Variants in RAB31 observed in about 807,000 individuals in gnomAD.
RAB31 encodes the protein ras-related protein Rab-31.
In RAB31, 21 loss-of-function variants were observed where a neutral mutation model predicts 25.6. That is an observed-to-expected ratio of 0.82 (90% CI 0.58 to 1.18). The LOEUF (loss-of-function observed/expected upper bound fraction) is 1.18, where lower values mean the gene tolerates loss of function less well. RAB31 is among the 50% of genes most tolerant of loss of function. RAB31 has a pLI of 0.00. For missense variants in RAB31, 196 were observed against 250.1 expected (o/e 0.78, Z 1.46); for synonymous variants, 87 against 84.0 (o/e 1.04, Z -0.20).
At chr18:9,798,963 A>T (rs58064239) in intron 3 of RAB31, among the ~76,000 whole-genome samples, 1 of 152,116 alleles carries the variant, frequency 6.6e-6, no homozygotes, top group African/African-American at 2.4e-5. Context: ...TGGCACTTGT[A>T]GTCCCAGTTA....
chr18:9,737,841 A>G (rs1212293648), intron 1 of RAB31, among the ~76,000 whole-genome samples: 1 of 152,196 alleles, frequency 6.6e-6, no homozygotes, highest in Non-Finnish European at 1.5e-5. Flanking sequence ...GTCTCTAAAT[A>G]GGTCAGAGGG....
chr18:9,813,669 T>C (rs1366041646), intron 3 of RAB31, among the ~76,000 whole-genome samples: 3 of 152,018 alleles, frequency 2.0e-5, no homozygotes, highest in African/African-American at 7.2e-5. Context: ...CTGGCCAGCA[T>C]GGTGAAACTC....
chr18:9,846,496 G>T (rs376316846), intron 6 of RAB31, among the ~76,000 whole-genome samples: 1 of 152,208 alleles, frequency 6.6e-6, no homozygotes, highest in Non-Finnish European at 1.5e-5. Flanking sequence ...TATCAGGGAC[G>T]TTGGGAGAAG....
chr18:9,860,939 T>C lies in RAB31; in HGVS notation c.*1614T>C, dbSNP rs564689946. On this transcript the variant is annotated 3_prime_UTR_variant, in exon 7 of 7. Coordinates refer to ENST00000578921, the MANE Select transcript of RAB31 (RefSeq NM_006868.4). ...ACTTATTTTGCTTCAAGAGTTCCAC[T>C]TGGCTCTCCCAAATAGGTACCTCAA... 1 of 152,270 alleles carries C rather than the reference T, an allele frequency of 6.6e-6. No homozygotes were observed. The highest frequency in any genetic ancestry group is 1.9e-4 in the East Asian group (1 of 5,186). The allele number at this position is 152,270 out of a possible 1,614,324, so 9.4% of individuals were successfully genotyped here.
intron 1 of RAB31, among the ~76,000 whole-genome samples, chr18:9,711,576 A>G (rs774898492): frequency 6.6e-6 from 1 of 152,154 alleles, no homozygotes; most frequent in African/African-American, 2.4e-5. Context: ...GGGTCTCCCT[A>G]TGTTGCCCAG....
At chr18:9,806,420 G>A (rs1342949682) in intron 3 of RAB31, among the ~76,000 whole-genome samples, 2 of 152,152 alleles carry the variant, frequency 1.3e-5, no homozygotes, top group African/African-American at 4.8e-5. Flanking sequence ...CAGAAGTGAG[G>A]GAGGGGCCTT....
intron 3 of RAB31, among the ~76,000 whole-genome samples, chr18:9,800,884 C>T (rs1339343455): frequency 3.9e-5 from 6 of 152,068 alleles, no homozygotes; most frequent in African/African-American, 9.7e-5. Flanking sequence ...TGATGTGTTC[C>T]GAATTGTTCA....
At chr18:9,724,611 A>G (rs1021195285) in intron 1 of RAB31, among the ~76,000 whole-genome samples, 1 of 152,238 alleles carries the variant, frequency 6.6e-6, no homozygotes, top group African/African-American at 2.4e-5. Context: ...TCTGCTGTGA[A>G]TCTCGGCAAC....
chr18:9,793,992 G>A (rs1449935884), intron 3 of RAB31, among the ~76,000 whole-genome samples: 1 of 152,106 alleles, frequency 6.6e-6, no homozygotes, highest in East Asian at 1.9e-4. Context: ...GTGCAGTGGT[G>A]CAATCACAGC....
At chr18:9,809,968 T>C (rs1191567732) in intron 3 of RAB31, among the ~76,000 whole-genome samples, 2 of 152,182 alleles carry the variant, frequency 1.3e-5, no homozygotes, top group Non-Finnish European at 2.9e-5. Context: ...TCCAAGAGCC[T>C]GAAGAAGGCC....
rs149027996 is a variant in RAB31, at chr18:9,816,673, A to G, written c.380+1451A>G. Among the ~76,000 whole-genome samples the G allele has an allele frequency of 6.4e-3, 981 of 152,330 alleles. 3 individuals are homozygous for G. Among genetic ancestry groups the G allele is most frequent in the Admixed American group, 0.013 (193 of 15,304 alleles). ...TTATATCTTGAAGGAGGTTGTGAGG[A>G]TCCAGTACACATGAATTAGAGATTT... On this transcript the variant is annotated intron_variant, in intron 5 of 6. Coordinates refer to ENST00000578921, the MANE Select transcript of RAB31 (RefSeq NM_006868.4).
At chr18:9,849,007 A>G (rs1432139472) in intron 6 of RAB31, among the ~76,000 whole-genome samples, 1 of 152,136 alleles carries the variant, frequency 6.6e-6, no homozygotes, top group Non-Finnish European at 1.5e-5. Flanking sequence ...TCCTCCTCAT[A>G]TAATATATTG....
chr18:9,782,674 A>G (rs34154304), intron 2 of RAB31, among the ~76,000 whole-genome samples: 37,482 of 152,076 alleles, frequency 0.25, 5,837 homozygotes, highest in Non-Finnish European at 0.35. Flanking sequence ...TAATCTACAC[A>G]GAAGAAAAGA....
At chr18:9,788,799 C>G (rs375188224) in intron 2 of RAB31, among the ~76,000 whole-genome samples, 78 of 152,290 alleles carry the variant, frequency 5.1e-4, no homozygotes, top group African/African-American at 1.8e-3. Flanking sequence ...AACCCCATCT[C>G]TACTAAAGTA....
intron 5 of RAB31, among the ~76,000 whole-genome samples, chr18:9,834,496 T>G (rs761704015): frequency 7.9e-5 from 12 of 152,156 alleles, no homozygotes; most frequent in African/African-American, 1.9e-4. Flanking sequence ...GGCATGTGGA[T>G]CTCCTCACTA....
chr18:9,751,055 G>A (rs1268207190), intron 1 of RAB31, among the ~76,000 whole-genome samples: 2 of 151,982 alleles, frequency 1.3e-5, no homozygotes, highest in African/African-American at 2.4e-5. Flanking sequence ...GTCTTTTTGA[G>A]ACAGAGTCTC....
intron 3 of RAB31, among the ~76,000 whole-genome samples, chr18:9,810,665 C>A (rs1476639739): frequency 9.2e-5 from 14 of 152,212 alleles, no homozygotes; most frequent in Admixed American, 9.2e-4. Context: ...ATTCATGAGA[C>A]CTCCATGCCA....
chr18:9,719,573 C>A (rs545562436), intron 1 of RAB31, among the ~76,000 whole-genome samples: 54 of 151,688 alleles, frequency 3.6e-4, no homozygotes, highest in Admixed American at 1.4e-3. Context: ...GTAACACTCA[C>A]CTCCTCATTT....
In RAB31 at chr18:9,770,698, A is replaced by G. The variant is rs767954981; in HGVS notation, c.40-4580A>G. ...CTGGAGTCAGAATCGGGTTTATTCT[A>G]ATGTCTCCCCGGCAGTCAATAATTT... On this transcript the variant is annotated intron_variant, in intron 1 of 6. Coordinates refer to ENST00000578921, the MANE Select transcript of RAB31 (RefSeq NM_006868.4). Among the ~76,000 whole-genome samples, 3 of 152,252 alleles carry G rather than the reference A, an allele frequency of 2.0e-5. 1 individual carries two copies. Among genetic ancestry groups the G allele is most frequent in the Non-Finnish European group, 4.4e-5 (3 of 68,014 alleles).
Sources: allele counts gnomAD v4.1 joint callset (sites outside exome capture counted in the v4.1 genomes callset), GRCh38; gene constraint gnomAD v4.1.1; transcripts MANE v1.5; gene names NCBI Gene and HGNC (gene_info 2026-07-23, HGNC 2026-07-21).